The following NAV2 variants were observed in gnomAD, a reference collection of about 807,000 sequenced individuals.
NAV2 encodes neuron navigator 2.
In NAV2, 54 loss-of-function variants were observed where a neutral mutation model predicts 223.2. That is an observed-to-expected ratio of 0.24 (90% CI 0.19 to 0.30). NAV2 has a LOEUF of 0.30. NAV2 is among the 10% of genes least tolerant of loss of function. NAV2 has a pLI of 1.00. For missense variants in NAV2, 2,806 were observed against 3,147.5 expected (o/e 0.89, Z 2.60); for synonymous variants, 1,279 against 1,239.3 (o/e 1.03, Z -0.67).
chr11:19,773,026 G>A (rs1221529699), intron 1 of NAV2, among the ~76,000 whole-genome samples: 1 of 152,220 alleles, frequency 6.6e-6, no homozygotes, highest in Non-Finnish European at 1.5e-5. Context: ...AAGGTCCACT[G>A]ATGAGTAGCT....
intron 1 of NAV2, among the ~76,000 whole-genome samples, chr11:19,781,166 C>T (rs2056708865): frequency 6.6e-6 from 1 of 152,164 alleles, no homozygotes; most frequent in African/African-American, 2.4e-5. Context: ...GATTCCAGAG[C>T]TAGTAACTTT....
intron 31 of NAV2, among the ~76,000 whole-genome samples, chr11:20,099,823 T>A (rs2061506190): frequency 6.6e-6 from 1 of 152,154 alleles, no homozygotes. Context: ...GGTGTTCTAG[T>A]GGTTTTTTCC....
chr11:20,023,097 A>G (rs1222690790), intron 11 of NAV2: 5 of 1,551,718 alleles, frequency 3.2e-6, no homozygotes, highest in Non-Finnish European at 4.4e-6. Context: ...AAGGGCCGCA[A>G]TGTAGTGAAA....
intron 1 of NAV2, among the ~76,000 whole-genome samples, chr11:19,490,428 A>G (rs1298994128): frequency 6.6e-6 from 1 of 152,226 alleles, no homozygotes; most frequent in East Asian, 1.9e-4. Context: ...CTTATATAAT[A>G]TTCTAAATCC....
At chr11:19,962,549 G>A (rs1398271780) in intron 10 of NAV2, among the ~76,000 whole-genome samples, 2 of 152,134 alleles carry the variant, frequency 1.3e-5, no homozygotes, top group East Asian at 1.9e-4. Flanking sequence ...CAAAGCTAAC[G>A]CACCCTGCCT....
chr11:19,892,696 C>G (rs892748150), intron 6 of NAV2, 102 bp downstream of exon 6: 1 of 1,290,946 alleles, frequency 7.7e-7, no homozygotes, highest in African/African-American at 1.5e-5. Flanking sequence ...GGGGTTGCAT[C>G]TGTGTTGAGA....
chr11:19,669,867 G>A (rs2048529356), intron 1 of NAV2, among the ~76,000 whole-genome samples: 1 of 152,238 alleles, frequency 6.6e-6, no homozygotes, highest in African/African-American at 2.4e-5. Flanking sequence ...TGTCCTGGGT[G>A]ATGCCCAGTG....
At chr11:19,778,809 G>T (rs1212127086) in intron 1 of NAV2, among the ~76,000 whole-genome samples, 2 of 152,138 alleles carry the variant, frequency 1.3e-5, no homozygotes, top group African/African-American at 4.8e-5. Context: ...TCTCCAACCA[G>T]ACTGGTGTGG....
In NAV2 at chr11:19,891,307, A is replaced by G. The variant is rs544495125; in HGVS notation, c.771-1127A>G. ...CACAGCTAAGTGGATTTCAAGCTGA[A>G]AGATATAACTAAACATTTCATCATT... On this transcript the variant is annotated intron_variant, in intron 5 of 37. Transcript: ENST00000349880. Among the ~76,000 whole-genome samples, 21 of 152,336 alleles carry G rather than the reference A, an allele frequency of 1.4e-4. No homozygotes were observed. The East Asian group carries it at 3.3e-3, about 24-fold the overall frequency.
intron 10 of NAV2, among the ~76,000 whole-genome samples, chr11:19,959,398 G>A (rs1185482116): frequency 6.6e-6 from 1 of 152,190 alleles, no homozygotes. Context: ...AAATGTGGGG[G>A]CTCCAAAGTG....
chr11:20,019,319 G>A lies in NAV2; in HGVS notation c.2769-16640G>A, dbSNP rs117913196. 5.7e-3 allele frequency among the ~76,000 whole-genome samples: 862 copies of A among 152,278 alleles called. 7 individuals are homozygous for A. The highest frequency in any genetic ancestry group is 0.037 in the Middle Eastern group (11 of 294). ...AAAGGCCTTCTTAATGGATTACATCGGAGGCAAGAAGGAGGGAGAGAATTA... is the reference window on the plus strand; with the variant it reads ...AAAGGCCTTCTTAATGGATTACATCAGAGGCAAGAAGGAGGGAGAGAATTA... On this transcript the variant is annotated intron_variant, in intron 11 of 37. Coordinates refer to ENST00000349880, the MANE Select transcript of NAV2 (RefSeq NM_145117.5).
chr11:19,655,117 T>G (rs943069619), intron 1 of NAV2, among the ~76,000 whole-genome samples: 1 of 152,228 alleles, frequency 6.6e-6, no homozygotes, highest in African/African-American at 2.4e-5. Context: ...AAGACATTTA[T>G]GCAGCCAAAA....
At position 19,719,712 on chromosome 11, in the gene NAV2, G is replaced by C. The variant is rs2050607418; in HGVS notation, c.267+5750G>C. Among the ~76,000 whole-genome samples, 3 of 152,312 alleles carry C rather than the reference G, an allele frequency of 2.0e-5. 1 individual carries two copies. The South Asian group carries it at 6.2e-4, about 32-fold the overall frequency. ...GAGTACATGAAAAGACAGACGGCTT[G>C]CACCATGAAAGTGGAGGGCATAGCA... On this transcript the variant is annotated intron_variant, in intron 1 of 37. Coordinates refer to ENST00000349880, the MANE Select transcript of NAV2 (RefSeq NM_145117.5).
At chr11:19,772,398 T>A (rs2055785334) in intron 1 of NAV2, among the ~76,000 whole-genome samples, 1 of 152,230 alleles carries the variant, frequency 6.6e-6, no homozygotes, top group African/African-American at 2.4e-5. Context: ...TCACTCTCCA[T>A]CTCTGAGCCT....
intron 1 of NAV2, among the ~76,000 whole-genome samples, chr11:19,552,291 C>A (rs920122452): frequency 1.3e-5 from 2 of 152,184 alleles, no homozygotes; most frequent in Admixed American, 1.3e-4. Flanking sequence ...ATGGAGACAC[C>A]AGAGGGGAGG....
chr11:19,690,542 A>C (rs1045916633), intron 1 of NAV2, among the ~76,000 whole-genome samples: 1 of 152,172 alleles, frequency 6.6e-6, no homozygotes, highest in Admixed American at 6.5e-5. Flanking sequence ...CAGAATCAAC[A>C]CGTAATAAGT....
chr11:20,028,346 A>G (rs1308570906), intron 11 of NAV2, among the ~76,000 whole-genome samples: 1 of 152,106 alleles, frequency 6.6e-6, no homozygotes, highest in Admixed American at 6.5e-5. Flanking sequence ...CCATGTTTGA[A>G]TGGATTTTCT....
intron 1 of NAV2, among the ~76,000 whole-genome samples, chr11:19,639,615 C>T (rs1321959073): frequency 1.3e-5 from 2 of 152,178 alleles, no homozygotes. Context: ...CATAGGCCCA[C>T]TGATGTGGAG....
intron 1 of NAV2, among the ~76,000 whole-genome samples, chr11:19,790,488 C>T (rs781173796): frequency 4.6e-5 from 7 of 152,124 alleles, no homozygotes; most frequent in Non-Finnish European, 1.0e-4. Context: ...GTACAGTAAG[C>T]ACAGAAAGGG....
Sources: gnomAD v4.1 joint callset for allele counts (sites outside exome capture counted in the v4.1 genomes callset) on GRCh38, gnomAD v4.1.1 for gene constraint, MANE v1.5 for transcripts, NCBI Gene and HGNC (gene_info 2026-07-23, HGNC 2026-07-21) for gene names.